The following RIMBP2 variants were observed in gnomAD, a reference collection of about 807,000 sequenced individuals.
RIMBP2 encodes the protein RIMS binding protein 2.
RIMBP2 carries 48 observed loss-of-function variants against 118.6 expected under a neutral mutation model. The observed-to-expected ratio is 0.40, with a 90% confidence interval of 0.32 to 0.51. The LOEUF (loss-of-function observed/expected upper bound fraction) is 0.51. Ranked by LOEUF, RIMBP2 falls within the 20% of genes least tolerant of loss-of-function variation. The pLI is 0.41. For synonymous variants in RIMBP2, 762 were observed against 742.9 expected, an observed-to-expected ratio of 1.03 and a Z score of -0.42; for missense variants, 1,551 against 1,768.3, an observed-to-expected ratio of 0.88 and a Z score of 2.20.
intron 4 of RIMBP2, among the ~76,000 whole-genome samples, chr12:130,483,370 G>A (rs1223484604): frequency 6.6e-6 from 1 of 152,170 alleles, no homozygotes; most frequent in African/African-American, 2.4e-5. Context: ...ACAAATGCAC[G>A]CACCTACTAT....
At chr12:130,561,762 T>C (rs760461311) in intron 2 of RIMBP2, among the ~76,000 whole-genome samples, 9 of 152,176 alleles carry the variant, frequency 5.9e-5, no homozygotes, top group Non-Finnish European at 8.8e-5. Flanking sequence ...GCAGCCATCC[T>C]AGCAAGGATG....
chr12:130,702,547 AGAAGGAAGGAAG>A (rs57904486), intron 1 of RIMBP2, among the ~76,000 whole-genome samples: 85 of 141,970 alleles, frequency 6.0e-4, no homozygotes, highest in African/African-American at 1.0e-3. Context: ...AAAACAAGAA[AGAAGGAAGGAAG>A]GAAGGAAGGA....
At chr12:130,490,258 T>TA (rs34350915) in intron 4 of RIMBP2, among the ~76,000 whole-genome samples, 307 of 149,448 alleles carry the variant, frequency 2.1e-3, no homozygotes, top group Middle Eastern at 6.8e-3. Flanking sequence ...AATTCTAAGT[T>TA]AAAAAAAAAA....
At chr12:130,692,085 G>A (rs1050958231) in intron 1 of RIMBP2, among the ~76,000 whole-genome samples, 4 of 152,240 alleles carry the variant, frequency 2.6e-5, no homozygotes, top group African/African-American at 9.6e-5. Flanking sequence ...GAGGGCGTCT[G>A]CAGAGCTGGT....
At chr12:130,428,611 C>T (rs1284847556) in intron 14 of RIMBP2, 1 of 312,750 alleles carries the variant, frequency 3.2e-6, no homozygotes, top group African/African-American at 2.1e-5. Context: ...GATAGAAAAC[C>T]CACTGGGGCT....
chr12:130,488,785 C>T (rs760654376), intron 4 of RIMBP2, among the ~76,000 whole-genome samples: 1 of 152,174 alleles, frequency 6.6e-6, no homozygotes, highest in South Asian at 2.1e-4. Context: ...AAACTGGGGA[C>T]TCCCCTGGGC....
At chr12:130,648,676 G>A (rs1482977081) in intron 1 of RIMBP2, among the ~76,000 whole-genome samples, 3 of 129,134 alleles carry the variant, frequency 2.3e-5, no homozygotes, top group Non-Finnish European at 3.4e-5. Flanking sequence ...TTTTTTTTGA[G>A]ACGGAGTTTC....
chr12:130,590,545 T>C (rs1021837641), intron 2 of RIMBP2, among the ~76,000 whole-genome samples: 5 of 152,202 alleles, frequency 3.3e-5, no homozygotes, highest in African/African-American at 1.2e-4. Flanking sequence ...GCACACACTT[T>C]TCAGCTGGTA....
chr12:130,643,002 T>C (rs2030439698), intron 1 of RIMBP2, among the ~76,000 whole-genome samples: 1 of 152,222 alleles, frequency 6.6e-6, no homozygotes, highest in African/African-American at 2.4e-5. Flanking sequence ...GCTCTGGAGT[T>C]TGAGTCTCGG....
intron 1 of RIMBP2, among the ~76,000 whole-genome samples, chr12:130,677,841 T>C (rs2064569762): frequency 6.6e-6 from 1 of 152,218 alleles, no homozygotes; most frequent in African/African-American, 2.4e-5. Context: ...GCAATGTTCA[T>C]TTTAAAGCAT....
At chr12:130,713,783 C>G (rs1039337612) in intron 1 of RIMBP2, among the ~76,000 whole-genome samples, 11 of 152,332 alleles carry the variant, frequency 7.2e-5, no homozygotes, top group African/African-American at 2.6e-4. Flanking sequence ...CCCTCTGGTC[C>G]CTGAGGTTTG....
intron 1 of RIMBP2, among the ~76,000 whole-genome samples, chr12:130,676,131 C>T (rs1317877556): frequency 6.6e-6 from 1 of 152,204 alleles, no homozygotes; most frequent in East Asian, 1.9e-4. Context: ...CAGCCACCAG[C>T]GCTGTGAGCA....
chr12:130,527,152 G>T (rs2052888913), intron 2 of RIMBP2, among the ~76,000 whole-genome samples: 1 of 152,148 alleles, frequency 6.6e-6, no homozygotes, highest in Non-Finnish European at 1.5e-5. Flanking sequence ...TCCTAACACT[G>T]ACCAGATGTA....
intron 19 of RIMBP2, among the ~76,000 whole-genome samples, chr12:130,410,033 C>A (rs1021521632): frequency 6.6e-6 from 1 of 152,232 alleles, no homozygotes. Context: ...GCCCACCTGG[C>A]ACACTTTGTG....
chr12:130,509,384 C>A (rs946132949), intron 3 of RIMBP2, among the ~76,000 whole-genome samples: 3 of 152,222 alleles, frequency 2.0e-5, no homozygotes, highest in African/African-American at 7.2e-5. Flanking sequence ...AGCTGCAGGT[C>A]CTCTAAGCAT....
At chr12:130,627,966 T>A (rs1397657600) in intron 2 of RIMBP2, among the ~76,000 whole-genome samples, 1 of 152,162 alleles carries the variant, frequency 6.6e-6, no homozygotes, top group East Asian at 1.9e-4. Context: ...CAATCACTAC[T>A]CTCTGGACAT....
intron 1 of RIMBP2, among the ~76,000 whole-genome samples, chr12:130,642,367 C>T (rs1398235871): frequency 6.6e-6 from 1 of 152,178 alleles, no homozygotes; most frequent in East Asian, 1.9e-4. Flanking sequence ...TCACTGTAAC[C>T]TCCACCTCCC....
rs139527098 is a variant in RIMBP2 at position 130,446,021 on chromosome 12, C to CG, written c.582-753_582-752insC. On this transcript the variant is annotated intron_variant, in intron 9 of 22. Transcript: ENST00000690449. The surrounding 1 kb of genome is among the most constrained non-coding windows in gnomAD (Gnocchi z 4.1). ...AAAACAGACGCATGATTTTATGCTC[C>CG]CCCCCCCCACACCCCCAGGAATATA... Among the ~76,000 whole-genome samples the CG allele has an allele frequency of 1.7e-4, 3 of 17,306 alleles. No homozygotes were observed. Among genetic ancestry groups the CG allele is most frequent in the Non-Finnish European group, 3.2e-4 (2 of 6,280 alleles). The allele number at this position is 17,306 out of a possible 152,430, so 11.4% of individuals were successfully genotyped here.
intron 2 of RIMBP2, among the ~76,000 whole-genome samples, chr12:130,570,788 T>C (rs927242730): frequency 1.3e-5 from 2 of 152,292 alleles, no homozygotes; most frequent in East Asian, 1.9e-4. Context: ...TCTTATGCAC[T>C]TTCATGAACA....
Sources: gnomAD v4.1 joint callset for allele counts (sites outside exome capture counted in the v4.1 genomes callset) on GRCh38, gnomAD v4.1.1 for gene constraint, Gnocchi (gnomAD v3.1) non-coding constraint, MANE v1.5 for transcripts, NCBI Gene and HGNC (gene_info 2026-07-23, HGNC 2026-07-21) for gene names.